The following IGFBP2 variants were observed in gnomAD, a reference collection of about 807,000 sequenced individuals.
IGFBP2 encodes insulin-like growth factor-binding protein 2.
In IGFBP2, 12 loss-of-function variants were observed where a neutral mutation model predicts 26.2. The ratio of observed to expected loss-of-function variants is 0.46; its 90% CI spans 0.29 to 0.74. IGFBP2 has a LOEUF of 0.74. Ranked by LOEUF, IGFBP2 falls within the 30% of genes least tolerant of loss-of-function variation. IGFBP2 has a pLI of 0.09. For missense variants in IGFBP2, 328 were observed against 441.2 expected, an observed-to-expected ratio of 0.74 and a Z score of 2.30; for synonymous variants, 189 against 200.6, an observed-to-expected ratio of 0.94 and a Z score of 0.49.
At chr2:216,659,669 A>G in intron 1 of IGFBP2, 3 of 1,483,592 alleles carry the variant, frequency 2.0e-6, no homozygotes, top group Non-Finnish European at 2.7e-6. Context: ...TAGGCTGTGC[A>G]TACAAAAGGT....
At chr2:216,644,556 G>A (rs1451249322) in intron 1 of IGFBP2, among the ~76,000 whole-genome samples, 1 of 152,046 alleles carries the variant, frequency 6.6e-6, no homozygotes, top group Non-Finnish European at 1.5e-5. Context: ...TTGAGAAGAG[G>A]GGGGTGTTTC....
chr2:216,663,692 C>A, intron 3 of IGFBP2: 2 of 416,416 alleles, frequency 4.8e-6, no homozygotes, highest in Non-Finnish European at 4.3e-6. Context: ...CAGAGGGGTC[C>A]CTGGGCGGGC....
chr2:216,639,202 T>C (rs1697565018), intron 1 of IGFBP2, among the ~76,000 whole-genome samples: 3 of 151,858 alleles, frequency 2.0e-5, no homozygotes, highest in African/African-American at 7.3e-5. Context: ...ACGGTTAATA[T>C]TTTTGTATTT....
At chr2:216,650,571 A>G (rs9341159) in intron 1 of IGFBP2, among the ~76,000 whole-genome samples, 6,181 of 152,284 alleles carry the variant, frequency 0.041, 182 homozygotes, top group African/African-American at 0.082. Context: ...GAAGGGCAGT[A>G]GCCTGTGCCT....
chr2:216,656,746 T>C (rs988125471), intron 1 of IGFBP2, among the ~76,000 whole-genome samples: 3 of 152,148 alleles, frequency 2.0e-5, no homozygotes, highest in East Asian at 1.9e-4. Flanking sequence ...ATAGCCATAA[T>C]AGAGACTGTC....
At chr2:216,649,945 A>G (rs1697787695) in intron 1 of IGFBP2, among the ~76,000 whole-genome samples, 1 of 152,136 alleles carries the variant, frequency 6.6e-6, no homozygotes, top group East Asian at 1.9e-4. Context: ...AAGCAAGCAT[A>G]TGTGTCTGTT....
intron 1 of IGFBP2, among the ~76,000 whole-genome samples, chr2:216,653,256 G>A (rs1697860235): frequency 1.3e-5 from 2 of 152,160 alleles, no homozygotes; most frequent in Admixed American, 1.3e-4. Context: ...AGAGCACTGA[G>A]GTCAGAACAT....
chr2:216,660,430 G>T, intron 1 of IGFBP2, 127 bp from the exon 2 acceptor site: 1 of 656,672 alleles, frequency 1.5e-6, no homozygotes. Context: ...GCCCTGACAG[G>T]CCATCAGCAC....
chr2:216,633,232 C>T (rs539218288), upstream of IGFBP2, among the ~76,000 whole-genome samples: 15 of 152,248 alleles, frequency 9.9e-5, no homozygotes, highest in African/African-American at 3.6e-4. Context: ...GGGACGGGGC[C>T]CGGGAAGAGC....
At chr2:216,642,839 C>T (rs1480148260) in intron 1 of IGFBP2, among the ~76,000 whole-genome samples, 1 of 152,124 alleles carries the variant, frequency 6.6e-6, no homozygotes, top group Non-Finnish European at 1.5e-5. Flanking sequence ...GCCTGGCCAG[C>T]CAACCTGGAA....
At chr2:216,635,685 G>T (rs1365331215) in intron 1 of IGFBP2, among the ~76,000 whole-genome samples, 1 of 151,684 alleles carries the variant, frequency 6.6e-6, no homozygotes, top group African/African-American at 2.4e-5. Context: ...CCTGAAGCCG[G>T]TTAGGGTCTT....
chr2:216,640,287 T>G lies in IGFBP2; in HGVS notation c.442+6322T>G, dbSNP rs534968990. Among the ~76,000 whole-genome samples, 14 of 152,314 alleles carry G rather than the reference T, an allele frequency of 9.2e-5. No individual in the cohort carries two copies. In the East Asian group the frequency reaches 2.7e-3, roughly 29 times the overall value. ...TCCTTAAATGAGGAGGGTGGTTGACTGGGCTTTGAGGGAAAGGACTTCTAT... is the reference window on the plus strand; with the variant it reads ...TCCTTAAATGAGGAGGGTGGTTGACGGGGCTTTGAGGGAAAGGACTTCTAT... On this transcript the variant is annotated intron_variant, in intron 1 of 3. Transcript: ENST00000233809.
intron 1 of IGFBP2, among the ~76,000 whole-genome samples, chr2:216,647,756 G>A (rs555458556): frequency 5.6e-4 from 85 of 152,274 alleles, no homozygotes; most frequent in African/African-American, 1.7e-3. Flanking sequence ...TGCTGACCTC[G>A]TGATCTGCCC....
At chr2:216,644,608 C>G (rs1358994449) in intron 1 of IGFBP2, among the ~76,000 whole-genome samples, 1 of 151,704 alleles carries the variant, frequency 6.6e-6, no homozygotes, top group Non-Finnish European at 1.5e-5. Context: ...TGCAGAGAGT[C>G]AGTCATTGGC....
intron 1 of IGFBP2, among the ~76,000 whole-genome samples, chr2:216,635,888 C>T (rs1226979744): frequency 2.6e-5 from 4 of 152,122 alleles, no homozygotes; most frequent in African/African-American, 9.7e-5. Flanking sequence ...CTCCCCAGTG[C>T]CCAGACGCCT....
rs535311352 is a variant in IGFBP2 at position 216,646,320 on chromosome 2, T to C, written c.442+12355T>C. ...GTGGGATTGCATCATCGAAACTGAA[T>C]TGTTTGAATGTGGGTCTTAGGACAG... is the stretch of plus-strand genomic sequence containing the variant. On this transcript the variant is annotated intron_variant, in intron 1 of 3. Coordinates refer to ENST00000233809, the MANE Select transcript of IGFBP2 (RefSeq NM_000597.3). 2.0e-5 allele frequency among the ~76,000 whole-genome samples: 3 copies of C among 152,232 alleles called. No homozygotes were observed. The East Asian group carries it at 5.8e-4, about 29-fold the overall frequency.
intron 1 of IGFBP2, among the ~76,000 whole-genome samples, chr2:216,656,661 G>A (rs1697928725): frequency 6.6e-6 from 1 of 152,006 alleles, no homozygotes; most frequent in Non-Finnish European, 1.5e-5. Context: ...CGGGTGAGCG[G>A]CTCCTTCCCA....
At chr2:216,647,281 G>C (rs1230049361) in intron 1 of IGFBP2, among the ~76,000 whole-genome samples, 1 of 152,120 alleles carries the variant, frequency 6.6e-6, no homozygotes, top group Non-Finnish European at 1.5e-5. Flanking sequence ...TGAGGACACA[G>C]AATGTCTTCT....
intron 1 of IGFBP2, among the ~76,000 whole-genome samples, chr2:216,660,112 A>AT (rs1369188123): frequency 6.6e-6 from 1 of 152,030 alleles, no homozygotes; most frequent in African/African-American, 2.4e-5. Flanking sequence ...TAGTGGGAGA[A>AT]TTTGGGGGGG....
Sources: gnomAD v4.1 joint callset for allele counts (sites outside exome capture counted in the v4.1 genomes callset) on GRCh38, gnomAD v4.1.1 for gene constraint, MANE v1.5 for transcripts, NCBI Gene and HGNC (gene_info 2026-07-23, HGNC 2026-07-21) for gene names.